Variants in MKX observed in about 807,000 individuals in gnomAD.
MKX encodes homeobox protein Mohawk.
Under a neutral mutation model 36.0 loss-of-function variants are expected in MKX, and 13 were observed. The ratio of observed to expected loss-of-function variants is 0.36; its 90% CI spans 0.24 to 0.57. The LOEUF (loss-of-function observed/expected upper bound fraction) is 0.57, where lower values mean the gene tolerates loss of function less well. Ranked by LOEUF, MKX falls within the 20% of genes least tolerant of loss-of-function variation. The probability of loss-of-function intolerance (pLI) is 0.79; values close to 1 mark genes in which losing one functional copy is unlikely to be tolerated. For missense variants in MKX, 458 were observed against 456.4 expected (o/e 1.00, Z -0.03); for synonymous variants, 176 against 178.3 (o/e 0.99, Z 0.10).
intron 5 of MKX, among the ~76,000 whole-genome samples, chr10:27,678,556 T>A (rs1322997966): frequency 6.6e-6 from 1 of 151,912 alleles, no homozygotes; most frequent in Non-Finnish European, 1.5e-5. Flanking sequence ...ACCTGAACTG[T>A]CAATCTCAGA....
At chr10:27,740,279 C>T (rs570258370) in intron 3 of MKX, among the ~76,000 whole-genome samples, 3 of 152,202 alleles carry the variant, frequency 2.0e-5, no homozygotes, top group South Asian at 2.1e-4. Flanking sequence ...GTAAATTTAG[C>T]GGAATGGCCA....
intron 5 of MKX, among the ~76,000 whole-genome samples, chr10:27,686,394 A>G (rs994728890): frequency 8.1e-6 from 1 of 122,934 alleles, no homozygotes; most frequent in African/African-American, 3.8e-5. Flanking sequence ...AAGGGAAGGG[A>G]AAGGAAGGAA....
rs771419318 is a variant in MKX, at chr10:27,734,621, G to A, written c.673C>T (p.Arg225Cys). 1.9e-6 allele frequency: 3 copies of A among 1,614,154 alleles called. No individual in the cohort carries two copies. Among genetic ancestry groups the A allele is most frequent in the African/African-American group, 1.3e-5 (1 of 75,034 alleles). Residue 225 changes from arginine to cysteine, a missense_variant, in exon 5 of 7, where the codon CGT becomes TGT. Arg to Cys is a radical substitution (Grantham distance 180). Transcript: ENST00000419761. ...TGTCTCAAAGAGTCATTAAGGTAAC[G>A]GTTCAACAAGCTGCTCTTGTATTTG... Reference protein sequence around the residue: ...PPKYKSSLLNRYLNDSLRHVM... With the variant: ...PPKYKSSLLNCYLNDSLRHVM...
At position 27,674,794 on chromosome 10, in the gene MKX, A is replaced by G. The variant is rs1373997232; in HGVS notation, c.*435T>C. 2 of 153,850 alleles carry G rather than the reference A, an allele frequency of 1.3e-5. No individual in the cohort carries two copies. Among genetic ancestry groups the G allele is most frequent in the Non-Finnish European group, 2.9e-5 (2 of 68,982 alleles). 9.5% of individuals were successfully genotyped at this position (153,850 alleles called of 1,614,324 possible). A position where few individuals can be genotyped will look rare whatever the true frequency, so the allele number is the denominator to read the frequency against. ...TTCATTTGGGCTGAACAGATATCCA[A>G]GTTTTAACATATGAATTATTGAATG... is the stretch of plus-strand genomic sequence containing the variant. On this transcript the variant is annotated 3_prime_UTR_variant, in exon 7 of 7. Coordinates refer to ENST00000419761, the MANE Select transcript of MKX (RefSeq NM_173576.3).
At position 27,675,222 on chromosome 10, in the gene MKX, C is replaced by G. The variant is rs1459575956; in HGVS notation, c.*7G>C. ...AACATCCATTGGATCTGAAAAGCAA[C>G]AAGCTCTTAAAACTGCTGCACCAGC... is the stretch of plus-strand genomic sequence containing the variant. On this transcript the variant is annotated 3_prime_UTR_variant, in exon 7 of 7. Coordinates refer to ENST00000419761, the MANE Select transcript of MKX (RefSeq NM_173576.3). 1 of 1,610,898 alleles carries G rather than the reference C, an allele frequency of 6.2e-7. No homozygotes were observed. The highest frequency in any genetic ancestry group is 8.5e-7 in the Non-Finnish European group (1 of 1,178,268).
intron 5 of MKX, among the ~76,000 whole-genome samples, chr10:27,729,636 G>A (rs1441954010): frequency 2.0e-5 from 3 of 152,068 alleles, no homozygotes; most frequent in Admixed American, 6.6e-5. Flanking sequence ...CTGATCATCT[G>A]TGATCTGTGA....
At chr10:27,698,435 G>T (rs1162812910) in intron 5 of MKX, among the ~76,000 whole-genome samples, 1 of 152,184 alleles carries the variant, frequency 6.6e-6, no homozygotes, top group Non-Finnish European at 1.5e-5. Flanking sequence ...TAAGGGAGTA[G>T]CAGGGGGGAT....
At chr10:27,732,890 G>A (rs755845482) in intron 5 of MKX, among the ~76,000 whole-genome samples, 3 of 151,920 alleles carry the variant, frequency 2.0e-5, no homozygotes, top group Non-Finnish European at 2.9e-5. Context: ...TGGGACTGCA[G>A]GTATGCACCA....
At position 27,741,504 on chromosome 10, in the gene MKX, G is replaced by C. The variant is rs1393323132; in HGVS notation, c.189C>G (p.Gly63=). 3.1e-6 allele frequency: 5 copies of C among 1,590,756 alleles called. No individual in the cohort carries two copies. Among genetic ancestry groups the C allele is most frequent in the Non-Finnish European group, 4.3e-6 (5 of 1,171,408 alleles). The change falls in exon 3 of 7, where the codon GGC becomes GGG. Residue 63 remains glycine (G), a splice_region_variant and synonymous_variant. Transcript: ENST00000419761. The surrounding 1 kb of genome is among the most constrained non-coding windows in gnomAD (Gnocchi z 5.1). ...DNLGLRHRRT[G]ARQNGGKVRH... ...TCACCTTCCCGCCATTCTGCCGGGC[G>C]CTGGGACATGGGGAGAGGAGGCGGC...
rs545066136 is a variant in MKX, at chr10:27,689,786, T to C, written c.839-14232A>G. Among the ~76,000 whole-genome samples the C allele has an allele frequency of 4.6e-5, 7 of 152,106 alleles. No homozygotes were observed. In the East Asian group the frequency reaches 1.2e-3, roughly 25 times the overall value. On this transcript the variant is annotated intron_variant, in intron 5 of 6. Transcript: ENST00000419761. Reference sequence around the variant, plus strand: ...GTACATCCCAAACCAAGAAGAAAGGTAGCCTCCAAAAAAAGGAAGAGACCG... The same window carrying C: ...GTACATCCCAAACCAAGAAGAAAGGCAGCCTCCAAAAAAAGGAAGAGACCG...
At chr10:27,706,942 G>T (rs938446240) in intron 5 of MKX, among the ~76,000 whole-genome samples, 10 of 152,110 alleles carry the variant, frequency 6.6e-5, no homozygotes, top group African/African-American at 1.9e-4. Flanking sequence ...TTTCTGTGTG[G>T]CATTTTGCAC....
At chr10:27,733,167 T>A (rs1336965053) in intron 5 of MKX, among the ~76,000 whole-genome samples, 6 of 152,226 alleles carry the variant, frequency 3.9e-5, no homozygotes. Flanking sequence ...TTGTTGGAGT[T>A]GGTGATGCAA....
At chr10:27,736,777 A>G (rs1834788505) in intron 3 of MKX, among the ~76,000 whole-genome samples, 1 of 152,070 alleles carries the variant, frequency 6.6e-6, no homozygotes, top group Admixed American at 6.6e-5. Context: ...TGGGTTTCCC[A>G]TATGTATTTA....
intron 2 of MKX, 89 bp downstream of exon 2, chr10:27,743,139 G>A (rs915591302): frequency 1.7e-5 from 22 of 1,272,524 alleles, no homozygotes; most frequent in Non-Finnish European, 2.1e-5. Flanking sequence ...CCGTCCACCC[G>A]CCCGCGTTGC....
chr10:27,692,562 AT>A (rs1244071495), intron 5 of MKX, among the ~76,000 whole-genome samples: 1 of 152,156 alleles, frequency 6.6e-6, no homozygotes, highest in Admixed American at 6.6e-5. Flanking sequence ...AGGGCCTTTT[AT>A]TTTTATAAGT....
In MKX at chr10:27,744,663, T is replaced by C. The variant is rs9334514; in HGVS notation, c.-83+1044A>G. The C allele has an allele frequency of 0.34, 51,889 of 152,150 alleles. 10,326 individuals are homozygous for C. Among genetic ancestry groups the C allele is most frequent in the Non-Finnish European group, 0.45 (30,491 of 68,428 alleles). 9.4% of individuals were successfully genotyped at this position (152,150 alleles called of 1,614,324 possible). A position where few individuals can be genotyped will look rare whatever the true frequency, so the allele number is the denominator to read the frequency against. The stretch of plus-strand genomic sequence containing the variant: ...TCGCTGCCAGCGCCCCCTTTGCCCG[T>C]CCAGCCGCGGCATGGGCTGCTACTC... On this transcript the variant is annotated intron_variant, in intron 1 of 6. Transcript: ENST00000419761. The surrounding 1 kb of genome is among the most constrained non-coding windows in gnomAD (Gnocchi z 5.6).
At chr10:27,698,582 G>T (rs1836596928) in intron 5 of MKX, among the ~76,000 whole-genome samples, 1 of 152,156 alleles carries the variant, frequency 6.6e-6, no homozygotes, top group Non-Finnish European at 1.5e-5. Flanking sequence ...CAACGGCATT[G>T]TCTGAGGAAG....
At position 27,741,528 on chromosome 10, in the gene MKX, G is replaced by A. The variant is rs368692350; in HGVS notation, c.189-24C>T. On this transcript the variant is annotated intron_variant, in intron 2 of 6. Coordinates refer to ENST00000419761, the MANE Select transcript of MKX (RefSeq NM_173576.3). The surrounding 1 kb of genome is among the most constrained non-coding windows in gnomAD (Gnocchi z 5.1). ...CGCTGGGACATGGGGAGAGGAGGCG[G>A]CCCTGGTGAGCGACGCGTTTGCCCG... 6.8e-5 allele frequency: 105 copies of A among 1,547,960 alleles called. No homozygotes were observed. The Middle Eastern group carries it at 2.7e-3, about 40-fold the overall frequency.
In MKX at chr10:27,704,965, T is replaced by C. The variant is rs117841895; in HGVS notation, c.839-29411A>G. Among the ~76,000 whole-genome samples, 78 of 152,232 alleles carry C rather than the reference T, an allele frequency of 5.1e-4. 3 individuals are homozygous for C. In the East Asian group the frequency reaches 0.014, roughly 28 times the overall value. ...AATGAATATTACAGGCTCATCTCCC[T>C]CCATAAAGAGCTGTTCAAATTAATA... On this transcript the variant is annotated intron_variant, in intron 5 of 6. Transcript: ENST00000419761.
Sources: gnomAD v4.1 joint callset for allele counts (sites outside exome capture counted in the v4.1 genomes callset) on GRCh38, gnomAD v4.1.1 for gene constraint, Gnocchi (gnomAD v3.1) non-coding constraint, MANE v1.5 for transcripts, NCBI Gene and HGNC (gene_info 2026-07-23, HGNC 2026-07-21) for gene names.